The following MRTFA variants were observed in gnomAD, a reference collection of about 807,000 sequenced individuals.
The protein encoded by MRTFA is myocardin related transcription factor A.
A neutral mutation model predicts 83.5 loss-of-function variants in MRTFA; 20 were observed. The ratio of observed to expected loss-of-function variants is 0.24; its 90% CI spans 0.17 to 0.35. The LOEUF (loss-of-function observed/expected upper bound fraction) is 0.35. MRTFA is among the 10% of genes least tolerant of loss of function. MRTFA has a pLI of 1.00. For missense variants in MRTFA, 1,200 were observed against 1,224.7 expected (o/e 0.98, Z 0.30); for synonymous variants, 659 against 541.2 (o/e 1.22, Z -3.02).
chr22:40,542,500 A>T (rs1207142698), intron 3 of MRTFA, among the ~76,000 whole-genome samples: 1 of 152,074 alleles, frequency 6.6e-6, no homozygotes, highest in African/African-American at 2.4e-5. Flanking sequence ...CTTGTTCATT[A>T]CTCTCTCTCC....
At chr22:40,439,282 C>A (rs549764368) in intron 4 of MRTFA, among the ~76,000 whole-genome samples, 18 of 152,042 alleles carry the variant, frequency 1.2e-4, no homozygotes, top group South Asian at 4.2e-4. Flanking sequence ...GCAGGTCTAT[C>A]ACCTGAGGTC....
chr22:40,585,550 T>C (rs2056015893), intron 2 of MRTFA, among the ~76,000 whole-genome samples: 1 of 152,202 alleles, frequency 6.6e-6, no homozygotes, highest in Non-Finnish European at 1.5e-5. Flanking sequence ...ATACTTAAAA[T>C]GATTAAGATG....
At chr22:40,542,073 G>A (rs1162726292) in intron 3 of MRTFA, among the ~76,000 whole-genome samples, 1 of 152,154 alleles carries the variant, frequency 6.6e-6, no homozygotes, top group Non-Finnish European at 1.5e-5. Context: ...CACGATCATG[G>A]CTCATTCATA....
chr22:40,540,714 T>C (rs2055273947), intron 3 of MRTFA, among the ~76,000 whole-genome samples: 1 of 149,888 alleles, frequency 6.7e-6, no homozygotes, highest in Admixed American at 6.7e-5. Context: ...GAGGTTAAGG[T>C]TGCAGTGAGC....
chr22:40,422,353 C>CA (rs965072618), intron 9 of MRTFA, among the ~76,000 whole-genome samples: 12 of 152,092 alleles, frequency 7.9e-5, no homozygotes, highest in African/African-American at 2.7e-4. Context: ...GATGTGTAGA[C>CA]AAAATACACA....
chr22:40,591,164 A>G (rs931086135), intron 2 of MRTFA, among the ~76,000 whole-genome samples: 1 of 151,912 alleles, frequency 6.6e-6, no homozygotes, highest in African/African-American at 2.4e-5. Context: ...TAAATAGCAA[A>G]TGAAGTGAAC....
At chr22:40,446,597 A>C (rs1403768907) in intron 4 of MRTFA, among the ~76,000 whole-genome samples, 4 of 152,166 alleles carry the variant, frequency 2.6e-5, no homozygotes, top group Non-Finnish European at 1.5e-5. Flanking sequence ...CTGTAGACAG[A>C]AAGACAGAGA....
At chr22:40,554,004 C>T (rs769476192) in intron 2 of MRTFA, among the ~76,000 whole-genome samples, 3 of 152,218 alleles carry the variant, frequency 2.0e-5, no homozygotes, top group Non-Finnish European at 4.4e-5. Flanking sequence ...GATCTGACTG[C>T]CCCACTGGAT....
chr22:40,450,939 C>A (rs1602262406), intron 4 of MRTFA, among the ~76,000 whole-genome samples: 1 of 152,232 alleles, frequency 6.6e-6, no homozygotes. Context: ...GTGTAACCTA[C>A]AGCAAGTCCC....
intron 2 of MRTFA, among the ~76,000 whole-genome samples, chr22:40,588,567 T>C (rs17002027): frequency 0.089 from 13,537 of 152,192 alleles, 780 homozygotes; most frequent in East Asian, 0.25. Context: ...AAAAATTTAG[T>C]TGGTAACTGT....
chr22:40,485,719 G>A (rs1422941056), intron 3 of MRTFA, among the ~76,000 whole-genome samples: 2 of 152,170 alleles, frequency 1.3e-5, no homozygotes, highest in African/African-American at 4.8e-5. Flanking sequence ...GGAAGAGTAG[G>A]GAGGAGAACT....
chr22:40,509,923 A>AG, intron 3 of MRTFA, among the ~76,000 whole-genome samples: 1 of 151,334 alleles, frequency 6.6e-6, no homozygotes, highest in East Asian at 2.0e-4. Flanking sequence ...AGAAAAAAAA[A>AG]AAAAATCAAA....
intron 2 of MRTFA, among the ~76,000 whole-genome samples, chr22:40,559,965 A>G (rs184472423): frequency 6.6e-6 from 1 of 152,202 alleles, no homozygotes; most frequent in African/African-American, 2.4e-5. Context: ...ATTTACACAT[A>G]TATCTATACA....
chr22:40,435,612 C>T (rs1256172239), intron 4 of MRTFA, 58 bp from the exon 5 acceptor site: 16 of 1,578,706 alleles, frequency 1.0e-5, no homozygotes, highest in South Asian at 6.6e-5. Flanking sequence ...TCTAGTGCTA[C>T]GATATTCAGT....
chr22:40,421,802 G>C (rs1180675761), intron 9 of MRTFA, among the ~76,000 whole-genome samples: 1 of 152,204 alleles, frequency 6.6e-6, no homozygotes, highest in African/African-American at 2.4e-5. Flanking sequence ...GTGCCAGAGA[G>C]AGACCACGGA....
chr22:40,542,334 T>C (rs1310177978), intron 3 of MRTFA, among the ~76,000 whole-genome samples: 1 of 152,244 alleles, frequency 6.6e-6, no homozygotes, highest in Non-Finnish European at 1.5e-5. Context: ...ACCCTCACTA[T>C]TAGATCTGTT....
At chr22:40,605,069 C>A (rs549239690) in intron 1 of MRTFA, among the ~76,000 whole-genome samples, 4 of 152,230 alleles carry the variant, frequency 2.6e-5, no homozygotes, top group Non-Finnish European at 5.9e-5. Context: ...TTATCACTTA[C>A]AGATTGTAAG....
At chr22:40,477,167 T>TA (rs2054011259) in intron 3 of MRTFA, among the ~76,000 whole-genome samples, 1 of 31,530 alleles carries the variant, frequency 3.2e-5, no homozygotes, top group Non-Finnish European at 5.7e-5. Context: ...CTGTCTCTAC[T>TA]AAAAATACAA....
chr22:40,600,172 G>A (rs2056242564), intron 1 of MRTFA, among the ~76,000 whole-genome samples: 1 of 152,038 alleles, frequency 6.6e-6, no homozygotes, highest in South Asian at 2.1e-4. Context: ...CTCTCTGCCT[G>A]ATTCCTCTGT....
Sources: gnomAD v4.1 joint callset for allele counts (sites outside exome capture counted in the v4.1 genomes callset) on GRCh38, gnomAD v4.1.1 for gene constraint, MANE v1.5 for transcripts, NCBI Gene and HGNC (gene_info 2026-07-23, HGNC 2026-07-21) for gene names.